Variants in SNX29 observed in about 807,000 individuals in gnomAD.
SNX29 encodes the protein sorting nexin-29.
SNX29 carries 78 observed loss-of-function variants against 102.1 expected under a neutral mutation model. That is an observed-to-expected ratio of 0.76 (90% CI 0.64 to 0.92). The LOEUF is 0.92. Ranked by LOEUF, SNX29 falls within the 40% of genes least tolerant of loss-of-function variation. SNX29 has a pLI of 0.00. For synonymous variants in SNX29, 580 were observed against 414.5 expected, an observed-to-expected ratio of 1.40 and a Z score of -4.85; for missense variants, 1,280 against 1,061.7, an observed-to-expected ratio of 1.21 and a Z score of -2.86.
intron 11 of SNX29, chr16:12,082,032 G>A (rs1247874445): frequency 6.6e-6 from 1 of 152,268 alleles, no homozygotes. Flanking sequence ...GGAGAGGACT[G>A]AGGATGAGAA....
At chr16:12,289,692 G>A (rs1159709508) in intron 15 of SNX29, among the ~76,000 whole-genome samples, 1 of 152,114 alleles carries the variant, frequency 6.6e-6, no homozygotes, top group Non-Finnish European at 1.5e-5. Flanking sequence ...CTTTTTGGGC[G>A]ATAGATAAAA....
chr16:12,245,070 A>T (rs2078221011), intron 14 of SNX29, among the ~76,000 whole-genome samples: 1 of 152,194 alleles, frequency 6.6e-6, no homozygotes, highest in African/African-American at 2.4e-5. Flanking sequence ...GAAAACATTG[A>T]TTCCCCGCCC....
intron 13 of SNX29, among the ~76,000 whole-genome samples, chr16:12,149,827 A>G (rs2141577946): frequency 6.6e-6 from 1 of 152,310 alleles, no homozygotes; most frequent in South Asian, 2.1e-4. Context: ...GCCTCAGTCA[A>G]GTATGGTTTC....
chr16:12,314,990 A>T (rs940230666), intron 15 of SNX29, among the ~76,000 whole-genome samples: 2 of 152,214 alleles, frequency 1.3e-5, no homozygotes, highest in African/African-American at 2.4e-5. Context: ...AAGTTCCACA[A>T]AATTGCTCTA....
intron 14 of SNX29, among the ~76,000 whole-genome samples, chr16:12,273,298 A>T (rs2079145855): frequency 6.6e-6 from 1 of 150,868 alleles, no homozygotes; most frequent in Non-Finnish European, 1.5e-5. Context: ...CATACTGTTC[A>T]GCCTTTGAGA....
chr16:12,555,717 G>C (rs556674970), intron 20 of SNX29, among the ~76,000 whole-genome samples: 2 of 151,984 alleles, frequency 1.3e-5, no homozygotes, highest in South Asian at 2.1e-4. Context: ...CTCCCTGATT[G>C]GCCCTTTCAC....
At chr16:12,343,912 C>G (rs1054992474) in intron 15 of SNX29, among the ~76,000 whole-genome samples, 15 of 152,128 alleles carry the variant, frequency 9.9e-5, no homozygotes, top group African/African-American at 3.4e-4. Context: ...TAGCTGTGTC[C>G]CCACCTAAAT....
At chr16:12,110,944 G>A (rs1193873242) in intron 11 of SNX29, among the ~76,000 whole-genome samples, 1 of 151,994 alleles carries the variant, frequency 6.6e-6, no homozygotes, top group African/African-American at 2.4e-5. Context: ...CTGGCTCAGA[G>A]TAGCTGAGAT....
chr16:12,503,656 C>T (rs1052141845), intron 19 of SNX29, among the ~76,000 whole-genome samples: 22 of 152,148 alleles, frequency 1.4e-4, no homozygotes, highest in East Asian at 3.9e-4. Flanking sequence ...CCCAGCAGAA[C>T]GGGGTCTCCT....
intron 1 of SNX29, among the ~76,000 whole-genome samples, chr16:11,980,333 A>G (rs2055387009): frequency 6.6e-6 from 1 of 152,188 alleles, no homozygotes; most frequent in African/African-American, 2.4e-5. Context: ...ATTACAGCAT[A>G]TATCTGTACT....
At chr16:12,136,732 T>TTTGTTG (rs113304194) in intron 13 of SNX29, among the ~76,000 whole-genome samples, 142 of 151,448 alleles carry the variant, frequency 9.4e-4, no homozygotes, top group African/African-American at 3.1e-3. Flanking sequence ...AGGAAAGGTT[T>TTTGTTG]TTGTTGTTAT....
At chr16:12,537,920 G>A (rs1032922769) in intron 20 of SNX29, among the ~76,000 whole-genome samples, 4 of 151,394 alleles carry the variant, frequency 2.6e-5, no homozygotes, top group Admixed American at 2.0e-4. Context: ...AGGAGGCAGA[G>A]GTTGCAGTGA....
rs546969256 is a variant in SNX29 at position 12,570,734 on chromosome 16, T to C, written c.*2105T>C. 2 of 232,130 alleles carry C rather than the reference T, an allele frequency of 8.6e-6. No individual in the cohort carries two copies. The highest frequency in any genetic ancestry group is 2.2e-5 in the African/African-American group (1 of 45,384). The allele number at this position is 232,130 out of a possible 1,614,324, so 14.4% of individuals were successfully genotyped here. ...GGATGTGAATTGGTCTCTCTCCAGATACCCCACGAGGAAGCACCTTGGACA... is the reference window on the plus strand; with the variant it reads ...GGATGTGAATTGGTCTCTCTCCAGACACCCCACGAGGAAGCACCTTGGACA... On this transcript the variant is annotated 3_prime_UTR_variant, in exon 21 of 21. Transcript: ENST00000566228.
chr16:12,027,528 G>A, intron 4 of SNX29, 84 bp downstream of exon 4: 2 of 1,543,054 alleles, frequency 1.3e-6, no homozygotes, highest in Middle Eastern at 2.4e-4. Flanking sequence ...ATAGTGGGCA[G>A]GGCAGTGATC....
intron 18 of SNX29, among the ~76,000 whole-genome samples, chr16:12,406,355 C>G (rs959212267): frequency 5.3e-5 from 8 of 152,180 alleles, no homozygotes; most frequent in African/African-American, 1.9e-4. Context: ...AAAGAAATTT[C>G]CACACAGGAT....
intron 11 of SNX29, among the ~76,000 whole-genome samples, chr16:12,104,905 CAAAGACTTG>C (rs943298668): frequency 6.6e-6 from 1 of 152,224 alleles, no homozygotes; most frequent in Non-Finnish European, 1.5e-5. Flanking sequence ...GAAAGAATGT[CAAAGACTTG>C]CCTTCTAGGG....
At chr16:12,375,404 A>G (rs572468466) in intron 16 of SNX29, 9 of 152,196 alleles carry the variant, frequency 5.9e-5, no homozygotes, top group Non-Finnish European at 1.2e-4. Flanking sequence ...AGCATTTACC[A>G]TCTCACAGTT....
At chr16:12,488,823 G>T (rs913446443) in intron 19 of SNX29, among the ~76,000 whole-genome samples, 2 of 152,128 alleles carry the variant, frequency 1.3e-5, no homozygotes, top group African/African-American at 4.8e-5. Context: ...CTGGGGTCTG[G>T]TGTTCTCAGT....
At chr16:12,182,488 C>G (rs937070917) in intron 13 of SNX29, among the ~76,000 whole-genome samples, 5 of 152,144 alleles carry the variant, frequency 3.3e-5, no homozygotes, top group Non-Finnish European at 7.3e-5. Flanking sequence ...GCAGAGCTTC[C>G]CAGCCACTGT....
Sources: allele counts gnomAD v4.1 joint callset (sites outside exome capture counted in the v4.1 genomes callset), GRCh38; gene constraint gnomAD v4.1.1; transcripts MANE v1.5; gene names NCBI Gene and HGNC (gene_info 2026-07-23, HGNC 2026-07-21).